The following CA6 variants were observed in gnomAD, a reference collection of about 807,000 sequenced individuals.
The protein encoded by CA6 is carbonic anhydrase 6.
Under a neutral mutation model 35.9 loss-of-function variants are expected in CA6, and 28 were observed. That is an observed-to-expected ratio of 0.78 (90% CI 0.58 to 1.07). CA6 has a LOEUF of 1.07. CA6 is among the 50% of genes least tolerant of loss of function. The pLI is 0.00. For missense variants in CA6, 377 were observed against 382.0 expected, an observed-to-expected ratio of 0.99 and a Z score of 0.11; for synonymous variants, 148 against 152.6, an observed-to-expected ratio of 0.97 and a Z score of 0.22.
At chr1:8,948,149 C>G (rs1445919656) in intron 1 of CA6, among the ~76,000 whole-genome samples, 1 of 151,950 alleles carries the variant, frequency 6.6e-6, no homozygotes. Flanking sequence ...TGCCCAGCCA[C>G]AAACACCTGT....
chr1:8,968,875 G>T (rs1569722595), intron 6 of CA6, among the ~76,000 whole-genome samples: 1 of 151,776 alleles, frequency 6.6e-6, no homozygotes, highest in Admixed American at 6.6e-5. Flanking sequence ...AAATTAGCCA[G>T]TCGTGGTGGT....
intron 6 of CA6, among the ~76,000 whole-genome samples, chr1:8,969,776 TAGAC>T (rs1320970085): frequency 6.6e-6 from 1 of 152,064 alleles, no homozygotes; most frequent in Non-Finnish European, 1.5e-5. Flanking sequence ...AGAGTATTAT[TAGAC>T]AGAGAGTTGA....
chr1:8,968,280 A>G (rs917405081), intron 6 of CA6, among the ~76,000 whole-genome samples: 1 of 151,852 alleles, frequency 6.6e-6, no homozygotes, highest in African/African-American at 2.4e-5. Context: ...CCTTTTCTTA[A>G]ACTTTTCATT....
At chr1:8,957,323 AC>A in intron 3 of CA6, 38 bp downstream of exon 3, 1 of 1,560,704 alleles carries the variant, frequency 6.4e-7, no homozygotes, top group Non-Finnish European at 8.7e-7. Context: ...TTTCCTTTGA[AC>A]CCCATAGTCA....
chr1:8,971,357 G>T (rs1391571192), intron 7 of CA6, among the ~76,000 whole-genome samples: 6 of 150,428 alleles, frequency 4.0e-5, no homozygotes, highest in African/African-American at 1.5e-4. Context: ...TGTCACCCAG[G>T]CTGGAGTGCA....
At chr1:8,959,090 T>G (rs953408033) in intron 4 of CA6, 88 bp downstream of exon 4, 1 of 758,534 alleles carries the variant, frequency 1.3e-6, no homozygotes, top group African/African-American at 1.7e-5. Context: ...ACAGTCTTCT[T>G]TATTATCACT....
At position 8,959,007 on chromosome 1, in the gene CA6, G is replaced by C. The variant is rs1639764393; in HGVS notation, c.501+5G>C. 3.2e-6 allele frequency: 5 copies of C among 1,569,810 alleles called. No homozygotes were observed. In the East Asian group the frequency reaches 1.1e-4, roughly 35 times the overall value. The stretch of plus-strand genomic sequence containing the variant: ...GTACTGGCAGCCTTCGTTGAGGTAA[G>C]CAGAAACTACCCATGTGTGTCTGTA... On this transcript the variant is annotated splice_donor_5th_base_variant and intron_variant, in intron 4 of 7. Transcript: ENST00000377443.
At chr1:8,967,931 T>C (rs1184100646) in intron 6 of CA6, 115 bp downstream of exon 6, 1 of 854,054 alleles carries the variant, frequency 1.2e-6, no homozygotes, top group African/African-American at 1.7e-5. Flanking sequence ...GTATTTTCTG[T>C]GTGCAGGGCT....
At chr1:8,967,467 C>T (rs895804837) in intron 5 of CA6, among the ~76,000 whole-genome samples, 192 bp from the exon 6 acceptor site, 5 of 152,216 alleles carry the variant, frequency 3.3e-5, no homozygotes, top group African/African-American at 1.2e-4. Context: ...TGTCTGAGTG[C>T]GTCTATCCCC....
At chr1:8,962,458 C>T (rs188138373) in intron 4 of CA6, 129 bp from the exon 5 acceptor site, 132 of 741,040 alleles carry the variant, frequency 1.8e-4, no homozygotes, top group Admixed American at 1.1e-3. Context: ...AAACACAAGA[C>T]GGCACAGGCT....
intron 4 of CA6, 22 bp downstream of exon 4, chr1:8,959,024 G>C (rs187398396): frequency 6.9e-7 from 1 of 1,449,900 alleles, no homozygotes; most frequent in Non-Finnish European, 9.7e-7. Context: ...CTACCCATGT[G>C]TGTCTGTATT....
At chr1:8,960,940 A>G (rs1639827284) in intron 4 of CA6, among the ~76,000 whole-genome samples, 1 of 152,168 alleles carries the variant, frequency 6.6e-6, no homozygotes, top group African/African-American at 2.4e-5. Flanking sequence ...AAGTCTGATA[A>G]ATAAACCCCA....
intron 7 of CA6, among the ~76,000 whole-genome samples, chr1:8,973,005 C>G (rs1357860878): frequency 1.3e-5 from 2 of 152,084 alleles, no homozygotes; most frequent in Non-Finnish European, 2.9e-5. Context: ...CCAAAGGGAG[C>G]TTAGACTCAT....
chr1:8,951,462 CT>C (rs1408521663), intron 2 of CA6: 1 of 764,886 alleles, frequency 1.3e-6, no homozygotes, highest in Non-Finnish European at 2.4e-6. Context: ...TTGTCCTCTC[CT>C]TGTGGAGAAG....
intron 2 of CA6, among the ~76,000 whole-genome samples, chr1:8,950,615 AC>A (rs1265575386): frequency 6.6e-6 from 1 of 151,884 alleles, no homozygotes; most frequent in East Asian, 1.9e-4. Flanking sequence ...ATGCCTGTAA[AC>A]CCAGTACTTT....
intron 6 of CA6, among the ~76,000 whole-genome samples, chr1:8,970,611 C>T (rs957430567): frequency 6.6e-6 from 1 of 151,990 alleles, no homozygotes; most frequent in South Asian, 2.1e-4. Flanking sequence ...CAGGTTCAAG[C>T]GATTCTCCTG....
chr1:8,958,314 C>G (rs1639745254), intron 3 of CA6, among the ~76,000 whole-genome samples: 2 of 151,776 alleles, frequency 1.3e-5, no homozygotes, highest in South Asian at 4.2e-4. Context: ...ATTACAGGCA[C>G]CTGCCACCAT....
intron 5 of CA6, 96 bp downstream of exon 5, chr1:8,962,752 G>A: frequency 1.8e-6 from 2 of 1,093,082 alleles, no homozygotes; most frequent in Non-Finnish European, 1.4e-6. Flanking sequence ...ATGCTGGTGG[G>A]GAGGGTGGCC....
chr1:8,974,059 A>G (rs149454450), intron 7 of CA6, among the ~76,000 whole-genome samples: 1 of 152,046 alleles, frequency 6.6e-6, no homozygotes, highest in African/African-American at 2.4e-5. Context: ...TCCTGAGCTC[A>G]AGCAATCCAC....
Sources: gnomAD v4.1 joint callset for allele counts (sites outside exome capture counted in the v4.1 genomes callset) on GRCh38, gnomAD v4.1.1 for gene constraint, MANE v1.5 for transcripts, NCBI Gene and HGNC (gene_info 2026-07-23, HGNC 2026-07-21) for gene names.